TENM4: variants seen among roughly 807,000 people sequenced by gnomAD.
TENM4 encodes teneurin transmembrane protein 4.
In TENM4, 82 loss-of-function variants were observed where a neutral mutation model predicts 243.3. The ratio of observed to expected loss-of-function variants is 0.34; its 90% confidence interval spans 0.28 to 0.40. TENM4 has a LOEUF of 0.40. Among genes scored for constraint, TENM4 ranks in the 10% least tolerant of loss-of-function variants. The pLI, the probability that TENM4 is intolerant of heterozygous loss-of-function variation, is 1.00. For synonymous variants in TENM4, 1,412 were observed against 1,456.3 expected (o/e 0.97, Z 0.69); for missense variants, 3,138 against 3,673.3 (o/e 0.85, Z 3.77).
chr11:78,965,750 T>C (rs1365399689), intron 6 of TENM4, among the ~76,000 whole-genome samples: 2 of 152,144 alleles, frequency 1.3e-5, no homozygotes, highest in African/African-American at 4.8e-5. Flanking sequence ...TGAATATTCA[T>C]AGCTAACATA....
intron 3 of TENM4, among the ~76,000 whole-genome samples, chr11:79,179,268 T>C (rs879596184): frequency 1.1e-4 from 17 of 152,332 alleles, no homozygotes; most frequent in Admixed American, 7.8e-4. Flanking sequence ...CAAACTCTCT[T>C]AGGTCAGAAG....
chr11:79,388,420 C>G (rs1429373680), intron 1 of TENM4, among the ~76,000 whole-genome samples: 1 of 152,128 alleles, frequency 6.6e-6, no homozygotes, highest in Non-Finnish European at 1.5e-5. Flanking sequence ...TTACAAGTGC[C>G]AAGTCACAAT....
intron 20 of TENM4, among the ~76,000 whole-genome samples, chr11:78,734,795 A>G (rs936850693): frequency 1.3e-5 from 2 of 152,170 alleles, no homozygotes; most frequent in Admixed American, 6.5e-5. Context: ...GCCCAGGGAC[A>G]TTGAGTCCTC....
rs147654363 is a variant in TENM4, at chr11:79,046,662, C to T, written c.493+18076G>A. 5.2e-3 allele frequency among the ~76,000 whole-genome samples: 787 copies of T among 152,222 alleles called. 3 individuals are homozygous for T. Among genetic ancestry groups the T allele is most frequent in the Middle Eastern group, 0.024 (7 of 294 alleles). On this transcript the variant is annotated intron_variant, in intron 6 of 33. Coordinates refer to ENST00000278550, the MANE Select transcript of TENM4 (RefSeq NM_001098816.3). ...GAATGAAACCGTGTCACAATCCAGG[C>T]AGAGACTGGAGTGATGCAGCTGCAA...
At chr11:79,374,974 T>C (rs932702208) in intron 1 of TENM4, among the ~76,000 whole-genome samples, 11 of 152,206 alleles carry the variant, frequency 7.2e-5, no homozygotes, top group African/African-American at 2.4e-4. Flanking sequence ...ACTTTGCCCT[T>C]TTTTCTGGGC....
chr11:79,129,858 C>T (rs932193499), intron 4 of TENM4, among the ~76,000 whole-genome samples: 17 of 152,124 alleles, frequency 1.1e-4, no homozygotes, highest in Non-Finnish European at 1.5e-4. Context: ...CCCCACCCAC[C>T]GCTGGTTCCT....
chr11:79,222,443 T>A (rs1864180261), intron 2 of TENM4, among the ~76,000 whole-genome samples: 1 of 152,232 alleles, frequency 6.6e-6, no homozygotes, highest in Non-Finnish European at 1.5e-5. Flanking sequence ...TCTTTGCTAT[T>A]GTGAATAGTG....
chr11:79,412,383 T>C lies in TENM4; in HGVS notation c.-321+28126A>G, dbSNP rs538485308. On this transcript the variant is annotated intron_variant, in intron 1 of 33. Transcript: ENST00000278550. ...CTTAGCGACAGCCCTCGTAAGACAGTTGGGGTCCACCAGTTACCAAGTGAT... is the reference window on the plus strand; with the variant it reads ...CTTAGCGACAGCCCTCGTAAGACAGCTGGGGTCCACCAGTTACCAAGTGAT... Among the ~76,000 whole-genome samples the C allele has an allele frequency of 9.8e-5, 15 of 152,298 alleles. No individual in the cohort carries two copies. In the South Asian group the frequency reaches 1.2e-3, roughly 13 times the overall value.
At chr11:79,099,948 T>G (rs1170849044) in intron 4 of TENM4, among the ~76,000 whole-genome samples, 4 of 152,176 alleles carry the variant, frequency 2.6e-5, no homozygotes, top group Non-Finnish European at 5.9e-5. Flanking sequence ...CTGCCCCAAG[T>G]ATGGGGAGAT....
chr11:78,756,818 G>A lies in TENM4; in HGVS notation c.2743C>T (p.Pro915Ser). The A allele has an allele frequency of 6.2e-7, 1 of 1,613,474 alleles. No individual in the cohort carries two copies. Among genetic ancestry groups the A allele is most frequent in the Non-Finnish European group, 8.5e-7 (1 of 1,179,736 alleles). ...CCTCGGACTCACCCTCCATCAAAGGGGTTCTCCCCGGGGATTATGTGCGTG... is the reference window on the plus strand; with the variant it reads ...CCTCGGACTCACCCTCCATCAAAGGAGTTCTCCCCGGGGATTATGTGCGTG... ...DSTHIIPGEN[P>S]FDGGHACVIR... is the part of the protein sequence containing the mutation. The change falls in exon 19 of 34, where the codon CCC becomes TCC. Residue 915 changes from proline (P) to serine (S), a missense_variant. Transcript: ENST00000278550.
intron 1 of TENM4, among the ~76,000 whole-genome samples, chr11:79,351,277 TACTC>T (rs970699733): frequency 2.6e-5 from 4 of 152,342 alleles, no homozygotes; most frequent in African/African-American, 7.2e-5. Flanking sequence ...TGGTATCATC[TACTC>T]ACTGATTGTG....
At chr11:78,964,367 C>A (rs1278149802) in intron 6 of TENM4, among the ~76,000 whole-genome samples, 1 of 152,120 alleles carries the variant, frequency 6.6e-6, no homozygotes, top group East Asian at 1.9e-4. Flanking sequence ...TTAAGGTTAA[C>A]CCCTGAGCTT....
intron 1 of TENM4, among the ~76,000 whole-genome samples, chr11:79,340,030 C>T (rs1008873881): frequency 1.3e-5 from 2 of 152,152 alleles, no homozygotes; most frequent in Non-Finnish European, 2.9e-5. Flanking sequence ...AAATATTAAA[C>T]GAGACTTCCT....
chr11:78,845,385 A>G (rs772269048), intron 12 of TENM4, among the ~76,000 whole-genome samples: 1 of 152,218 alleles, frequency 6.6e-6, no homozygotes, highest in Non-Finnish European at 1.5e-5. Flanking sequence ...TGAGGGTAAG[A>G]CTTATCCAAA....
chr11:79,021,322 T>C (rs943400050), intron 6 of TENM4, among the ~76,000 whole-genome samples: 10 of 152,212 alleles, frequency 6.6e-5, no homozygotes, highest in African/African-American at 2.2e-4. Flanking sequence ...GTTCCTCTTC[T>C]ATCTAGGACT....
At position 78,756,375 on chromosome 11, in the gene TENM4, G is replaced by C. The variant is rs1590997726; in HGVS notation, c.2756+430C>G. On this transcript the variant is annotated intron_variant, in intron 19 of 33. Coordinates refer to ENST00000278550, the MANE Select transcript of TENM4 (RefSeq NM_001098816.3). The stretch of plus-strand genomic sequence containing the variant: ...CAACTGAAAACAGGGAGATTGTATG[G>C]GTATGTGGCCTGGGATGGCAGCAGA... 1.9e-5 allele frequency: 4 copies of C among 207,554 alleles called. No homozygotes were observed. In the East Asian group the frequency reaches 5.2e-4, roughly 27 times the overall value. The allele number at this position is 207,554 out of a possible 1,614,324, so 12.9% of individuals were successfully genotyped here. A position where few individuals can be genotyped will look rare whatever the true frequency, so the allele number is the denominator to read the frequency against.
chr11:78,741,353 G>A (rs1220454353), intron 19 of TENM4, among the ~76,000 whole-genome samples: 1 of 152,006 alleles, frequency 6.6e-6, no homozygotes, highest in Admixed American at 6.5e-5. Context: ...CAGTTGCAGC[G>A]TTTGCTCATT....
At chr11:79,211,514 T>C (rs1201978835) in intron 3 of TENM4, among the ~76,000 whole-genome samples, 9 of 152,236 alleles carry the variant, frequency 5.9e-5, no homozygotes, top group Admixed American at 2.6e-4. Flanking sequence ...CTTTTCATTC[T>C]GGCTTTCTTA....
rs1271461521 is a variant in TENM4 at position 79,140,937 on chromosome 11, G to A, written c.-66+7773C>T. 3.3e-5 allele frequency among the ~76,000 whole-genome samples: 5 copies of A among 152,044 alleles called. No homozygotes were observed. In the East Asian group the frequency reaches 9.7e-4, roughly 29 times the overall value. On this transcript the variant is annotated intron_variant, in intron 4 of 33. Transcript: ENST00000278550. ...GCCAGGTCCCTGCAGAGGTAGCTGG[G>A]CCTCTGACTCTACCGTCTGTGGGTG...
Sources: allele counts gnomAD v4.1 joint callset (sites outside exome capture counted in the v4.1 genomes callset), GRCh38; gene constraint gnomAD v4.1.1; transcripts MANE v1.5; gene names NCBI Gene and HGNC (gene_info 2026-07-23, HGNC 2026-07-21).